SEMA3C: variants seen among roughly 807,000 people sequenced by gnomAD.
SEMA3C encodes semaphorin 3C.
In SEMA3C, 47 loss-of-function variants were observed where a neutral mutation model predicts 89.4. That is an observed-to-expected ratio of 0.53 (90% CI 0.42 to 0.67). The LOEUF is 0.67. Among genes scored for constraint, SEMA3C ranks in the 30% least tolerant of loss-of-function variants. The probability of loss-of-function intolerance (pLI) is 0.00; values close to 1 mark genes in which losing one functional copy is unlikely to be tolerated. For missense variants in SEMA3C, 839 were observed against 929.1 expected, an observed-to-expected ratio of 0.90 and a Z score of 1.26; for synonymous variants, 310 against 320.2, an observed-to-expected ratio of 0.97 and a Z score of 0.34.
intron 2 of SEMA3C, among the ~76,000 whole-genome samples, chr7:80,878,879 GA>G (rs894067324): frequency 3.3e-5 from 5 of 151,558 alleles, no homozygotes; most frequent in South Asian, 2.1e-4. Flanking sequence ...AAAAATATTA[GA>G]AAAAAAAGTT....
chr7:80,849,623 C>T (rs772651137), intron 2 of SEMA3C, among the ~76,000 whole-genome samples: 4 of 151,942 alleles, frequency 2.6e-5, no homozygotes, highest in African/African-American at 9.7e-5. Flanking sequence ...TTGGTTGGTG[C>T]AAATATAAAT....
At chr7:80,811,128 GTTTAAT>G (rs1789459128) in intron 5 of SEMA3C, among the ~76,000 whole-genome samples, 3 of 152,028 alleles carry the variant, frequency 2.0e-5, no homozygotes, top group African/African-American at 4.8e-5. Context: ...TTATGTTACT[GTTTAAT>G]TTTATCATAT....
At chr7:80,907,580 C>G (rs941622367) in intron 2 of SEMA3C, among the ~76,000 whole-genome samples, 1 of 151,902 alleles carries the variant, frequency 6.6e-6, no homozygotes, top group Admixed American at 6.6e-5. Flanking sequence ...TATAAACAAT[C>G]TATAAGGGTG....
chr7:80,753,131 G>GT (rs761146631), intron 15 of SEMA3C, among the ~76,000 whole-genome samples: 7 of 152,042 alleles, frequency 4.6e-5, no homozygotes, highest in Non-Finnish European at 8.8e-5. Context: ...TACCACCTAA[G>GT]TATTCCTTTT....
intron 2 of SEMA3C, among the ~76,000 whole-genome samples, chr7:80,864,234 G>A (rs1229110840): frequency 6.6e-6 from 1 of 151,776 alleles, no homozygotes; most frequent in Non-Finnish European, 1.5e-5. Context: ...GGACTTTGGG[G>A]ACTTGGGGGG....
At chr7:80,856,199 T>C (rs1198228622) in intron 2 of SEMA3C, among the ~76,000 whole-genome samples, 7 of 152,128 alleles carry the variant, frequency 4.6e-5, no homozygotes, top group African/African-American at 1.4e-4. Context: ...TGTAAAGATA[T>C]CAGGATAACA....
At chr7:80,766,540 G>C (rs964172293) in intron 12 of SEMA3C, among the ~76,000 whole-genome samples, 14 of 152,196 alleles carry the variant, frequency 9.2e-5, no homozygotes, top group Admixed American at 3.3e-4. Context: ...TCTGTAACGG[G>C]GCCTTTGAGA....
chr7:80,827,161 G>T (rs67118064), intron 4 of SEMA3C, among the ~76,000 whole-genome samples: 35,522 of 151,888 alleles, frequency 0.23, 4,362 homozygotes, highest in East Asian at 0.34. Flanking sequence ...AGGAACAGAG[G>T]TTATTAATGA....
chr7:80,911,460 T>C (rs1450839136), intron 2 of SEMA3C, among the ~76,000 whole-genome samples: 4 of 152,178 alleles, frequency 2.6e-5, no homozygotes, highest in South Asian at 2.1e-4. Context: ...GTAACATCGT[T>C]TTATCAATAT....
chr7:80,876,918 C>T (rs146928508), intron 2 of SEMA3C, among the ~76,000 whole-genome samples: 1 of 152,176 alleles, frequency 6.6e-6, no homozygotes, highest in Non-Finnish European at 1.5e-5. Flanking sequence ...GCATTGCTCC[C>T]AGCAGTTCTC....
chr7:80,916,790 A>G lies in SEMA3C; in HGVS notation c.-9T>C. On this transcript the variant is annotated 5_prime_UTR_variant, in exon 2 of 18. Transcript: ENST00000265361. ...ATTGTCCGGAATGCCATTTCTTCAG[A>G]TATGCAAGTTAATATCCAAGGGAAA... 1 of 1,613,224 alleles carries G rather than the reference A, an allele frequency of 6.2e-7. No individual in the cohort carries two copies. Among genetic ancestry groups the G allele is most frequent in the Non-Finnish European group, 8.5e-7 (1 of 1,179,510 alleles).
Position 80,745,001 on chromosome 7 carries a change from G to C in SEMA3C, c.2149C>G (p.Gln717Glu). 6.2e-7 allele frequency: 1 copy of C among 1,614,036 alleles called. No individual in the cohort carries two copies. Among genetic ancestry groups the C allele is most frequent in the Non-Finnish European group, 8.5e-7 (1 of 1,179,964 alleles). ...QYCKDTRQQH[Q>E]QGDESQKMRG... is the part of the protein sequence containing the mutation. ...ATTTTCTGTGATTCATCTCCCTGCTGATGTTGCTGCCGAGTGTCTTTGCAA... is the reference window on the plus strand; with the variant it reads ...ATTTTCTGTGATTCATCTCCCTGCTCATGTTGCTGCCGAGTGTCTTTGCAA... The change falls in exon 18 of 18, where the codon CAG becomes GAG. Residue 717 changes from glutamine to glutamate, a missense_variant. By Grantham distance (29) the Gln-to-Glu change is conservative. Coordinates refer to ENST00000265361, the MANE Select transcript of SEMA3C (RefSeq NM_006379.5).
intron 2 of SEMA3C, among the ~76,000 whole-genome samples, chr7:80,861,633 A>G (rs1397657053): frequency 2.6e-5 from 4 of 152,234 alleles, no homozygotes; most frequent in Admixed American, 6.5e-5. Context: ...CAAAGGTTAT[A>G]GAATGCAACT....
At chr7:80,757,827 C>T (rs2117046430) in intron 15 of SEMA3C, among the ~76,000 whole-genome samples, 1 of 152,178 alleles carries the variant, frequency 6.6e-6, no homozygotes, top group Middle Eastern at 3.4e-3. Context: ...ATGAGCTGGG[C>T]ATAGTGGTGG....
chr7:80,798,467 T>C (rs960560), intron 10 of SEMA3C, among the ~76,000 whole-genome samples: 24,913 of 152,102 alleles, frequency 0.16, 2,213 homozygotes, highest in Non-Finnish European at 0.2. Flanking sequence ...TATAGTAAAG[T>C]CCTTTTCAAT....
At position 80,798,091 on chromosome 7, in the gene SEMA3C, C is replaced by T; in HGVS notation, c.1131+1G>A. Reference sequence around the variant, plus strand: ...ACAAAGAATTTTCCCTGGATACTTACAGTTCCAGGGCGAGGATATGGAATT... The same window carrying T: ...ACAAAGAATTTTCCCTGGATACTTATAGTTCCAGGGCGAGGATATGGAATT... On this transcript the variant is annotated splice_donor_variant, in intron 11 of 17. Transcript: ENST00000265361. LOFTEE classifies it high-confidence loss of function. The T allele has an allele frequency of 6.3e-7, 1 of 1,594,610 alleles. No homozygotes were observed. The highest frequency in any genetic ancestry group is 8.5e-7 in the Non-Finnish European group (1 of 1,174,124).
At chr7:80,797,972 T>C in intron 11 of SEMA3C, 120 bp downstream of exon 11, 2 of 969,252 alleles carry the variant, frequency 2.1e-6, no homozygotes, top group South Asian at 3.5e-5. Flanking sequence ...CATTCCACCC[T>C]GGGCAACAGA....
At chr7:80,892,759 A>G (rs1309801110) in intron 2 of SEMA3C, among the ~76,000 whole-genome samples, 1 of 152,170 alleles carries the variant, frequency 6.6e-6, no homozygotes, top group Non-Finnish European at 1.5e-5. Context: ...CAAGTTTCTA[A>G]CTAAATTCCC....
chr7:80,845,785 A>G (rs1033929531), intron 2 of SEMA3C, among the ~76,000 whole-genome samples: 12 of 152,098 alleles, frequency 7.9e-5, no homozygotes, highest in African/African-American at 2.9e-4. Flanking sequence ...TGGGAGTACA[A>G]TGACTAGGAC....
Sources: allele counts gnomAD v4.1 joint callset (sites outside exome capture counted in the v4.1 genomes callset), GRCh38; gene constraint gnomAD v4.1.1; transcripts MANE v1.5; gene names NCBI Gene and HGNC (gene_info 2026-07-23, HGNC 2026-07-21).